KCNT2: variants seen among roughly 807,000 people sequenced by gnomAD.
KCNT2 encodes the protein potassium channel subfamily T member 2.
A neutral mutation model predicts 153.8 loss-of-function variants in KCNT2; 67 were observed. The ratio of observed to expected loss-of-function variants is 0.44; its 90% CI spans 0.36 to 0.53. KCNT2 has a LOEUF of 0.53. Ranked by LOEUF, KCNT2 falls within the 20% of genes least tolerant of loss-of-function variation. The pLI, the probability that KCNT2 is intolerant of heterozygous loss-of-function variation, is 0.00. For missense variants in KCNT2, 975 were observed against 1,354.8 expected, an observed-to-expected ratio of 0.72 and a Z score of 4.40; for synonymous variants, 500 against 458.8, an observed-to-expected ratio of 1.09 and a Z score of -1.15.
intron 1 of KCNT2, among the ~76,000 whole-genome samples, chr1:196,594,232 C>T (rs1220495191): frequency 6.6e-6 from 1 of 152,114 alleles, no homozygotes; most frequent in Non-Finnish European, 1.5e-5. Context: ...TGGACTGAAG[C>T]ACATTCTGCT....
At chr1:196,605,775 G>C (rs1052975023) in intron 1 of KCNT2, among the ~76,000 whole-genome samples, 8 of 152,208 alleles carry the variant, frequency 5.3e-5, no homozygotes, top group African/African-American at 1.9e-4. Flanking sequence ...ATTAGCTTAG[G>C]AGTCTGAAAA....
chr1:196,525,464 TTACAGAGAAA>T (rs1654049828), intron 1 of KCNT2, among the ~76,000 whole-genome samples: 2 of 152,214 alleles, frequency 1.3e-5, no homozygotes, highest in African/African-American at 4.8e-5. Context: ...GTGATATACC[TTACAGAGAAA>T]TATATGTGTT....
chr1:196,476,518 G>A (rs1572581092), intron 5 of KCNT2, among the ~76,000 whole-genome samples: 1 of 151,878 alleles, frequency 6.6e-6, no homozygotes, highest in Non-Finnish European at 1.5e-5. Context: ...CATCTATATT[G>A]CTTATTATTG....
rs1159201451 is a variant in KCNT2, at chr1:196,608,354, G to A, written c.-45C>T. On this transcript the variant is annotated 5_prime_UTR_variant, in exon 1 of 28. Transcript: ENST00000294725. ...AACATCAAACAACAAATGGAGGAGA[G>A]GAGGGAGAAAGAAAGAAAATATTGC... 1 of 1,482,902 alleles carries A rather than the reference G, an allele frequency of 6.7e-7. No individual in the cohort carries two copies. Among genetic ancestry groups the A allele is most frequent in the Admixed American group, 1.7e-5 (1 of 59,826 alleles). 91.9% of individuals were successfully genotyped at this position (1,482,902 alleles called of 1,614,324 possible). A position where few individuals can be genotyped will look rare whatever the true frequency, so the allele number is the denominator to read the frequency against.
chr1:196,334,471 ATTTC>A (rs1177566716), intron 16 of KCNT2, among the ~76,000 whole-genome samples: 3 of 50,452 alleles, frequency 5.9e-5, no homozygotes, highest in Admixed American at 3.8e-4. Flanking sequence ...TTTTTCTTTT[ATTTC>A]TTTCTTTCTT....
intron 4 of KCNT2, among the ~76,000 whole-genome samples, chr1:196,481,855 T>A (rs1679045916): frequency 6.6e-6 from 1 of 152,312 alleles, no homozygotes; most frequent in African/African-American, 2.4e-5. Flanking sequence ...TTTACATGAT[T>A]AATTGCTTAG....
intron 8 of KCNT2, among the ~76,000 whole-genome samples, chr1:196,446,389 T>C (rs546565251): frequency 1.9e-4 from 29 of 151,512 alleles, no homozygotes; most frequent in Non-Finnish European, 3.6e-4. Flanking sequence ...AAACCCATGA[T>C]GACACTGATG....
intron 8 of KCNT2, among the ~76,000 whole-genome samples, chr1:196,459,127 T>A (rs1370010374): frequency 6.6e-6 from 1 of 151,726 alleles, no homozygotes; most frequent in African/African-American, 2.4e-5. Flanking sequence ...TTTGAGGTAA[T>A]GATAAAACCA....
At chr1:196,284,248 A>AATATATATATATATATAT (rs1553271463) in intron 23 of KCNT2, among the ~76,000 whole-genome samples, 4 of 10,038 alleles carry the variant, frequency 4.0e-4, no homozygotes, top group Middle Eastern at 0.17. Flanking sequence ...AAAAAAAAAA[A>AATATATATATATATATAT]ATATATATAT....
chr1:196,308,295 C>T (rs900218648), intron 21 of KCNT2, among the ~76,000 whole-genome samples: 1 of 151,870 alleles, frequency 6.6e-6, no homozygotes, highest in Admixed American at 6.6e-5. Context: ...CCATCTGTAT[C>T]CTCTCCTTCC....
intron 26 of KCNT2, among the ~76,000 whole-genome samples, chr1:196,254,682 C>T (rs1656305276): frequency 6.6e-6 from 1 of 151,468 alleles, no homozygotes; most frequent in Non-Finnish European, 1.5e-5. Context: ...ATTACTACTG[C>T]TGTTAAATCT....
chr1:196,381,062 C>A (rs1341557831), intron 13 of KCNT2, among the ~76,000 whole-genome samples: 1 of 152,052 alleles, frequency 6.6e-6, no homozygotes, highest in Non-Finnish European at 1.5e-5. Context: ...AGAATCTAAC[C>A]CAATTTGAGA....
At chr1:196,294,407 T>C (rs1168274466) in intron 22 of KCNT2, among the ~76,000 whole-genome samples, 1 of 151,884 alleles carries the variant, frequency 6.6e-6, no homozygotes, top group Non-Finnish European at 1.5e-5. Flanking sequence ...TCCCGAGTAG[T>C]TGGGATTACA....
chr1:196,253,821 A>G, intron 26 of KCNT2, among the ~76,000 whole-genome samples: 1 of 151,726 alleles, frequency 6.6e-6, no homozygotes, highest in East Asian at 1.9e-4. Flanking sequence ...AAAAGTAAAA[A>G]GTTCACTCAA....
At chr1:196,295,569 T>G (rs1000016505) in intron 22 of KCNT2, among the ~76,000 whole-genome samples, 1 of 151,712 alleles carries the variant, frequency 6.6e-6, no homozygotes, top group African/African-American at 2.4e-5. Context: ...CCCCATTGGG[T>G]GAAATTTTTG....
At chr1:196,427,660 T>C (rs1020385549) in intron 10 of KCNT2, among the ~76,000 whole-genome samples, 19 of 152,046 alleles carry the variant, frequency 1.2e-4, no homozygotes, top group African/African-American at 4.6e-4. Flanking sequence ...AAGAAAAAAA[T>C]GAAAGTCCCA....
At chr1:196,363,594 C>A (rs1245993917) in intron 14 of KCNT2, among the ~76,000 whole-genome samples, 1 of 152,108 alleles carries the variant, frequency 6.6e-6, no homozygotes, top group Admixed American at 6.6e-5. Flanking sequence ...GATTAACATC[C>A]TATGGCTGGA....
intron 1 of KCNT2, among the ~76,000 whole-genome samples, chr1:196,561,675 A>AAAAAAAAAAAAC (rs1553254846): frequency 2.7e-5 from 1 of 36,472 alleles, no homozygotes; most frequent in Non-Finnish European, 1.1e-4. Flanking sequence ...AAAAAAAAAA[A>AAAAAAAAAAAAC]AAGAAGAAGA....
chr1:196,252,873 C>G (rs570259300), intron 26 of KCNT2, among the ~76,000 whole-genome samples: 1 of 150,938 alleles, frequency 6.6e-6, no homozygotes, highest in Non-Finnish European at 1.5e-5. Flanking sequence ...TCTCAAGATG[C>G]CTTTCTATTT....
Sources: gnomAD v4.1 joint callset for allele counts (sites outside exome capture counted in the v4.1 genomes callset) on GRCh38, gnomAD v4.1.1 for gene constraint, MANE v1.5 for transcripts, NCBI Gene and HGNC (gene_info 2026-07-23, HGNC 2026-07-21) for gene names.